RBFOX2: variants seen among roughly 807,000 people sequenced by gnomAD.
RBFOX2 encodes the protein RNA binding fox-1 homolog 2.
RBFOX2 carries 10 observed loss-of-function variants against 49.1 expected under a neutral mutation model. The ratio of observed to expected loss-of-function variants is 0.20; its 90% CI spans 0.13 to 0.35. RBFOX2 has a LOEUF of 0.35. Among genes scored for constraint, RBFOX2 ranks in the 10% least tolerant of loss-of-function variants. The probability of loss-of-function intolerance (pLI) is 1.00; values close to 1 mark genes in which losing one functional copy is unlikely to be tolerated. For synonymous variants in RBFOX2, 183 were observed against 187.4 expected (o/e 0.98, Z 0.19); for missense variants, 323 against 486.9 (o/e 0.66, Z 3.17).
chr22:35,942,625 A>G (rs771917229), upstream of RBFOX2, among the ~76,000 whole-genome samples: 10 of 151,768 alleles, frequency 6.6e-5, no homozygotes, highest in Admixed American at 1.3e-4. Context: ...CAGAACACTC[A>G]AGCAGAAATG....
intron 1 of RBFOX2, chr22:35,994,138 C>T (rs796311479): frequency 6.6e-6 from 1 of 151,212 alleles, no homozygotes; most frequent in African/African-American, 2.4e-5. Context: ...AAATATATGC[C>T]ATTATGTAAT....
At chr22:35,849,807 C>T (rs2041697245) in intron 1 of RBFOX2, among the ~76,000 whole-genome samples, 2 of 152,228 alleles carry the variant, frequency 1.3e-5, no homozygotes, top group South Asian at 2.1e-4. Flanking sequence ...CAGGCCTCCA[C>T]CCCAACAGGA....
intron 1 of RBFOX2, among the ~76,000 whole-genome samples, chr22:35,866,041 T>C (rs1368797128): frequency 1.3e-5 from 2 of 152,222 alleles, no homozygotes; most frequent in East Asian, 1.9e-4. Context: ...TGGAACTACA[T>C]ATGCTACAGA....
intron 1 of RBFOX2, among the ~76,000 whole-genome samples, chr22:35,861,678 C>T (rs1466065567): frequency 6.6e-6 from 1 of 152,168 alleles, no homozygotes; most frequent in Non-Finnish European, 1.5e-5. Flanking sequence ...GTCTCATATG[C>T]TGCTGGTGGA....
intron 1 of RBFOX2, among the ~76,000 whole-genome samples, chr22:35,849,454 G>C (rs968043466): frequency 6.6e-6 from 1 of 152,084 alleles, no homozygotes; most frequent in Non-Finnish European, 1.5e-5. Flanking sequence ...AAAGCACTGG[G>C]AAAGCTAGGC....
exon 12 of RBFOX2, chr22:35,744,173 G>T: frequency 6.2e-7 from 1 of 1,601,280 alleles, no homozygotes; most frequent in Non-Finnish European, 8.5e-7. Flanking sequence ...TGAACTGGGG[G>T]GCTGTCCCAT....
At chr22:35,923,694 A>C (rs2051284483) in intron 1 of RBFOX2, among the ~76,000 whole-genome samples, 1 of 152,096 alleles carries the variant, frequency 6.6e-6, no homozygotes, top group Non-Finnish European at 1.5e-5. Context: ...TCATCTGCCA[A>C]TGGAGATTAA....
intron 1 of RBFOX2, among the ~76,000 whole-genome samples, chr22:36,013,648 C>CAGAG (rs373268996): frequency 0.022 from 3,305 of 148,028 alleles, 124 homozygotes; most frequent in African/African-American, 0.077. Flanking sequence ...CACACACACA[C>CAGAG]AGAGAGAGAG....
chr22:35,893,731 A>G (rs891498260), intron 1 of RBFOX2, among the ~76,000 whole-genome samples: 2 of 152,206 alleles, frequency 1.3e-5, no homozygotes, highest in Non-Finnish European at 2.9e-5. Flanking sequence ...ACACATACAT[A>G]TACATCTTCT....
intron 1 of RBFOX2, among the ~76,000 whole-genome samples, chr22:35,818,875 A>C (rs1055018166): frequency 6.6e-6 from 1 of 152,218 alleles, no homozygotes; most frequent in African/African-American, 2.4e-5. Flanking sequence ...GAATTACAAA[A>C]TATTTAATTA....
At chr22:35,761,315 T>A (rs1221379827) in intron 7 of RBFOX2, 21 bp from the exon 9 acceptor site, 2 of 1,613,682 alleles carry the variant, frequency 1.2e-6, no homozygotes, top group African/African-American at 1.3e-5. Context: ...TTTTAAAAAA[T>A]TTAAAAATGC....
chr22:35,792,172 G>A (rs566665648), intron 2 of RBFOX2, among the ~76,000 whole-genome samples: 1 of 151,532 alleles, frequency 6.6e-6, no homozygotes, highest in Non-Finnish European at 1.5e-5. Flanking sequence ...CAAAAATTAG[G>A]TAGGCGTGGC....
At chr22:35,851,109 T>A (rs2041889518) in intron 1 of RBFOX2, among the ~76,000 whole-genome samples, 1 of 152,194 alleles carries the variant, frequency 6.6e-6, no homozygotes, top group South Asian at 2.1e-4. Flanking sequence ...ATTCTTCTCC[T>A]TTTACGGTCA....
Position 36,028,223 on chromosome 22 carries a change from C to A in RBFOX2, c.186+17G>T. 6.7e-7 allele frequency: 1 copy of A among 1,490,746 alleles called. No homozygotes were observed. Among genetic ancestry groups the A allele is most frequent in the Non-Finnish European group, 8.9e-7 (1 of 1,128,256 alleles). 92.3% of individuals were successfully genotyped at this position (1,490,746 alleles called of 1,614,324 possible). A position where few individuals can be genotyped will look rare whatever the true frequency, so the allele number is the denominator to read the frequency against. On this transcript the variant is annotated intron_variant, in intron 1 of 13. Transcript: ENST00000438146. ...CCCACCCCCGCAATAACTGGGCGCC[C>A]CGTCCCGCGCGGTCACCTGCATCCC... is the stretch of plus-strand genomic sequence containing the variant.
chr22:35,919,572 G>A (rs2050799650), intron 1 of RBFOX2, among the ~76,000 whole-genome samples: 1 of 151,968 alleles, frequency 6.6e-6, no homozygotes, highest in Non-Finnish European at 1.5e-5. Flanking sequence ...TACGGGGAAT[G>A]GAGTTTCTTG....
chr22:35,744,355 C>G (rs1248279415), intron 11 of RBFOX2, 106 bp from the exon 14 acceptor site: 1 of 1,007,788 alleles, frequency 9.9e-7, no homozygotes, highest in East Asian at 2.8e-5. Flanking sequence ...GCTTCGAAGC[C>G]TCAAAGCAAC....
chr22:35,866,346 A>G (rs1439712437), intron 1 of RBFOX2, among the ~76,000 whole-genome samples: 1 of 152,242 alleles, frequency 6.6e-6, no homozygotes, highest in Non-Finnish European at 1.5e-5. Flanking sequence ...GAAAGTGCAT[A>G]CATTAATTTT....
At chr22:35,979,217 G>A (rs577821808) in intron 1 of RBFOX2, among the ~76,000 whole-genome samples, 1 of 152,308 alleles carries the variant, frequency 6.6e-6, no homozygotes, top group East Asian at 1.9e-4. Flanking sequence ...TCAAGGACAT[G>A]AAAGAAAGGT....
At chr22:35,951,415 C>T (rs1439214862) in intron 1 of RBFOX2, among the ~76,000 whole-genome samples, 3 of 149,816 alleles carry the variant, frequency 2.0e-5, no homozygotes, top group Non-Finnish European at 3.0e-5. Context: ...CCGGCTAATT[C>T]TGTATTTTTA....
Sources: allele counts gnomAD v4.1 joint callset (sites outside exome capture counted in the v4.1 genomes callset), GRCh38; gene constraint gnomAD v4.1.1; transcripts MANE v1.5; gene names NCBI Gene and HGNC (gene_info 2026-07-23, HGNC 2026-07-21).